Variants in SMIM9 observed in about 807,000 individuals in gnomAD.
SMIM9 encodes chromosome X open reading frame 68.
Under a neutral mutation model 7.2 loss-of-function variants are expected in SMIM9, and 8 were observed. That is an observed-to-expected ratio of 1.10 (90% CI 0.65 to 1.99). The LOEUF (loss-of-function observed/expected upper bound fraction) is 1.99. SMIM9 is among the 30% of genes most tolerant of loss of function. SMIM9 has a pLI of 0.00. For synonymous variants in SMIM9, 19 were observed against 26.4 expected, an observed-to-expected ratio of 0.72 and a Z score of 0.86; for missense variants, 76 against 69.3, an observed-to-expected ratio of 1.10 and a Z score of -0.34.
chrX:154,832,870 A>G lies in SMIM9; in HGVS notation c.-209-187T>C, dbSNP rs182262360. Among the ~76,000 whole-genome samples the G allele has an allele frequency of 1.5e-3, 164 of 112,186 alleles. 1 individual carries two copies. The highest frequency in any genetic ancestry group is 4.6e-3 in the Middle Eastern group (1 of 218). On this transcript the variant is annotated intron_variant, in intron 1 of 4. Coordinates refer to ENST00000369529, the MANE Select transcript of SMIM9 (RefSeq NM_001162936.4). ...CCTCTTAGGCTTGAATAATTCTAAG[A>G]TATTTTATTCACCACATGGTATCTA...
chrX:154,829,508 C>G, intron 4 of SMIM9, 27 bp downstream of exon 4: 1 of 1,164,825 alleles, frequency 8.6e-7, no homozygotes, highest in Non-Finnish European at 1.1e-6. Flanking sequence ...TCTCTCCTCC[C>G]TGTCTCTTCT....
At chrX:154,829,183 G>A (rs781989076) in intron 4 of SMIM9, among the ~76,000 whole-genome samples, 1,487 of 111,725 alleles carry the variant, frequency 0.013, 27 homozygotes, top group African/African-American at 0.046. Context: ...AAATTTTCAG[G>A]AAATTGAGAG....
chrX:154,823,868 A>C (rs972281778), intron 4 of SMIM9, 86 bp from the exon 5 acceptor site: 4 of 880,409 alleles, frequency 4.5e-6, no homozygotes, highest in Non-Finnish European at 4.6e-6. Context: ...ATTTGACACC[A>C]GTTTTTCTCT....
chrX:154,832,022 C>G (rs1444699654), intron 2 of SMIM9, among the ~76,000 whole-genome samples: 4 of 111,318 alleles, frequency 3.6e-5, no homozygotes, highest in African/African-American at 1.3e-4. Context: ...AATGTAAGCT[C>G]TATGAGTGCA....
chrX:154,830,803 G>T lies in SMIM9; in HGVS notation c.54C>A (p.Cys18Ter). ...IIGFLLCSLT[C>*]LLLETVASSP... Reference sequence around the variant, plus strand: ...AGGAAGCTACTGTCTCCAACAAGAGGCAAGTTAGAGAGCATAGCAGAAATC... The same window carrying T: ...AGGAAGCTACTGTCTCCAACAAGAGTCAAGTTAGAGAGCATAGCAGAAATC... The change falls in exon 3 of 5, where the codon TGC becomes TGA. Residue 18 changes from cysteine to a stop codon, truncating the protein, a stop_gained. Transcript: ENST00000369529. LOFTEE classifies it high-confidence loss of function. 4 of 1,167,260 alleles carry T rather than the reference G, an allele frequency of 3.4e-6. No homozygotes were observed. In the African/African-American group the frequency reaches 7.1e-5, roughly 21 times the overall value.
At chrX:154,830,545 T>C (rs1382425486) in intron 3 of SMIM9, 170 bp downstream of exon 3, 3 of 540,967 alleles carry the variant, frequency 5.5e-6, no homozygotes, top group Middle Eastern at 4.6e-4. Context: ...AAGGGCTTGG[T>C]ACGTAGTAGG....
chrX:154,828,023 T>C (rs1294721534), intron 4 of SMIM9, among the ~76,000 whole-genome samples: 1 of 111,904 alleles, frequency 8.9e-6, no homozygotes, highest in Non-Finnish European at 1.9e-5. Context: ...TGAGTCTTTG[T>C]TGGGCTTGCA....
chrX:154,830,161 G>A (rs1182671953), intron 3 of SMIM9, among the ~76,000 whole-genome samples: 1 of 111,453 alleles, frequency 9.0e-6, no homozygotes, highest in African/African-American at 3.3e-5. Context: ...GGCTGGGGAT[G>A]TTGGGTCTTT....
chrX:154,829,558 T>C lies in SMIM9; in HGVS notation c.249A>G (p.Leu83=), dbSNP rs1557270413. The C allele has an allele frequency of 8.6e-7, 1 of 1,167,260 alleles. No homozygotes were observed. Among genetic ancestry groups the C allele is most frequent in the Non-Finnish European group, 1.1e-6 (1 of 872,746 alleles). The change falls in exon 4 of 5, where the codon CTA becomes CTG. Residue 83 remains leucine (L), a synonymous_variant. Transcript: ENST00000369529. ...ACGTGAAGCAGCAGAGGATCCCCATTAGTGCTGAGGTGAGAAGAAAAGCAA... is the reference window on the plus strand; with the variant it reads ...ACGTGAAGCAGCAGAGGATCCCCATCAGTGCTGAGGTGAGAAGAAAAGCAA... The part of the protein sequence containing the change: ...AIVAFLLTSA[L]MGILCCFTIL...
At chrX:154,825,002 A>C (rs190949698) in intron 4 of SMIM9, among the ~76,000 whole-genome samples, 1 of 112,433 alleles carries the variant, frequency 8.9e-6, no homozygotes, top group East Asian at 2.8e-4. Flanking sequence ...AGAGTCTACT[A>C]TGTGCCCAGT....
chrX:154,827,207 C>T (rs1557270288), intron 4 of SMIM9, among the ~76,000 whole-genome samples: 1 of 112,796 alleles, frequency 8.9e-6, no homozygotes, highest in Admixed American at 9.3e-5. Flanking sequence ...TTTGATGCAG[C>T]TGACCTGCTG....
intron 1 of SMIM9, among the ~76,000 whole-genome samples, chrX:154,833,337 A>G (rs1464894697): frequency 2.7e-5 from 3 of 112,782 alleles, no homozygotes; most frequent in African/African-American, 9.7e-5. Flanking sequence ...AAAAAGAAAT[A>G]GTACTGGCTA....
chrX:154,833,720 T>TAAA (rs200851742), intron 1 of SMIM9, among the ~76,000 whole-genome samples: 1 of 95,607 alleles, frequency 1.0e-5, no homozygotes, highest in Non-Finnish European at 2.1e-5. Flanking sequence ...GAACTTAAAG[T>TAAA]AAAAAAAAAA....
chrX:154,825,315 C>CCGGGAAG (rs1172222888), intron 4 of SMIM9, among the ~76,000 whole-genome samples: 1 of 109,179 alleles, frequency 9.2e-6, no homozygotes, highest in Non-Finnish European at 1.9e-5. Context: ...TCGATTCAAC[C>CCGGGAAG]CGGGAAGCAG....
intron 4 of SMIM9, among the ~76,000 whole-genome samples, chrX:154,824,134 G>A (rs1285972796): frequency 4.5e-5 from 5 of 110,693 alleles, no homozygotes; most frequent in African/African-American, 9.8e-5. Flanking sequence ...GAGGCAGGCA[G>A]ATCACGAGGT....
chrX:154,830,862 C>A lies in SMIM9; in HGVS notation c.-6G>T. 1.7e-6 allele frequency: 2 copies of A among 1,164,534 alleles called. No individual in the cohort carries two copies. The highest frequency in any genetic ancestry group is 2.3e-6 in the Non-Finnish European group (2 of 871,229). The stretch of plus-strand genomic sequence containing the variant: ...AGCAGCTTCTGGGGTTCCATGGACT[C>A]CCGCCTTCAGCTGCGGCTGAAGAGC... On this transcript the variant is annotated 5_prime_UTR_variant, in exon 3 of 5. Transcript: ENST00000369529.
chrX:154,831,864 A>T, intron 2 of SMIM9, among the ~76,000 whole-genome samples: 1 of 111,158 alleles, frequency 9.0e-6, no homozygotes, highest in Non-Finnish European at 1.9e-5. Context: ...CTTCTCAATG[A>T]GGATTTTCCT....
At chrX:154,833,738 ATCAAG>A (rs2148553823) in intron 1 of SMIM9, among the ~76,000 whole-genome samples, 1 of 111,557 alleles carries the variant, frequency 9.0e-6, no homozygotes, top group South Asian at 3.8e-4. Context: ...AAAAATGCAA[ATCAAG>A]TCGAGGCAAC....
rs1004866293 is a variant in SMIM9, at chrX:154,829,617, G to A, written c.190C>T (p.Leu64Phe). The change falls in exon 4 of 5, where the codon CTT becomes TTT. Residue 64 changes from leucine (L) to phenylalanine (F), a missense_variant. Transcript: ENST00000369529. ...GCTGGAGGTAAGGCACTCTTGATAA[G>A]TTGCCATAAGTAATCCCTGAAGTTG... The part of the protein sequence containing the change: ...LNNFRDYLWQ[L>F]IKSALPPAAI... 4 of 1,167,281 alleles carry A rather than the reference G, an allele frequency of 3.4e-6. No individual in the cohort carries two copies. The highest frequency in any genetic ancestry group is 2.6e-5 in the Admixed American group (1 of 38,734).
Sources: allele counts gnomAD v4.1 joint callset (sites outside exome capture counted in the v4.1 genomes callset), GRCh38; gene constraint gnomAD v4.1.1; transcripts MANE v1.5; gene names NCBI Gene and HGNC (gene_info 2026-07-23, HGNC 2026-07-21).